Variants in ADAMTSL1 observed in about 807,000 individuals in gnomAD.
ADAMTSL1 encodes the protein ADAMTS-like protein 1.
In ADAMTSL1, 126 loss-of-function variants were observed where a neutral mutation model predicts 201.8. That is an observed-to-expected ratio of 0.62 (90% CI 0.54 to 0.72). The LOEUF (loss-of-function observed/expected upper bound fraction) is 0.72, where lower values mean the gene tolerates loss of function less well. Ranked by LOEUF, ADAMTSL1 falls within the 30% of genes least tolerant of loss-of-function variation. The pLI is 0.00. For synonymous variants in ADAMTSL1, 1,121 were observed against 903.4 expected (o/e 1.24, Z -4.32); for missense variants, 2,679 against 2,277.8 (o/e 1.18, Z -3.59).
chr9:17,938,698 C>T (rs991794432), intron 1 of ADAMTSL1, among the ~76,000 whole-genome samples: 3 of 152,132 alleles, frequency 2.0e-5, no homozygotes, highest in Admixed American at 6.6e-5. Context: ...TCATCTTCCT[C>T]CGACAAGATC....
intron 2 of ADAMTSL1, among the ~76,000 whole-genome samples, chr9:18,262,613 T>C (rs1179017844): frequency 6.6e-6 from 1 of 151,842 alleles, no homozygotes; most frequent in African/African-American, 2.4e-5. Context: ...CAGGGAAAAA[T>C]GGGATGGTTT....
At chr9:18,681,156 G>T (rs932721591) in intron 11 of ADAMTSL1, 1 of 152,666 alleles carries the variant, frequency 6.6e-6, no homozygotes, top group Non-Finnish European at 1.5e-5. Context: ...CTCCGCCTCA[G>T]AAATGACAAA....
intron 2 of ADAMTSL1, among the ~76,000 whole-genome samples, chr9:18,514,784 A>G (rs1228565083): frequency 6.6e-6 from 1 of 151,936 alleles, no homozygotes; most frequent in Non-Finnish European, 1.5e-5. Context: ...CCTTTTATTT[A>G]TTTTTCTTGT....
chr9:18,740,461 T>C (rs1564195402), intron 15 of ADAMTSL1, among the ~76,000 whole-genome samples: 1 of 146,274 alleles, frequency 6.8e-6, no homozygotes, highest in African/African-American at 2.5e-5. Flanking sequence ...TCCTTTCTTT[T>C]TTTTTTTTTC....
Position 18,887,867 on chromosome 9 carries a change from C to T in ADAMTSL1, c.4286C>T (p.Thr1429Ile). Reference sequence around the variant, plus strand: ...AAAGGTCACCCTGTCCCTAATATCACCTGGTTTCATGGTGGTCAGCCAATT... The same window carrying T: ...AAAGGTCACCCTGTCCCTAATATCATCTGGTTTCATGGTGGTCAGCCAATT... Reference protein sequence around the residue: ...PIKGHPVPNITWFHGGQPIVT... With the variant: ...PIKGHPVPNIIWFHGGQPIVT... The change falls in exon 24 of 29, where the codon ACC (threonine) becomes ATC (isoleucine). Residue 1429 changes from threonine to isoleucine, a missense_variant. Coordinates refer to ENST00000380548, the MANE Select transcript of ADAMTSL1 (RefSeq NM_001040272.6). The T allele has an allele frequency of 6.2e-7, 1 of 1,613,964 alleles. No homozygotes were observed. Among genetic ancestry groups the T allele is most frequent in the South Asian group, 1.1e-5 (1 of 91,056 alleles).
chr9:18,886,175 T>C (rs1312100000), intron 23 of ADAMTSL1, among the ~76,000 whole-genome samples: 1 of 91,990 alleles, frequency 1.1e-5, no homozygotes, highest in Non-Finnish European at 2.0e-5. Flanking sequence ...TGTATATATA[T>C]ATATATATAT....
intron 2 of ADAMTSL1, among the ~76,000 whole-genome samples, chr9:18,203,396 T>C (rs1829526987): frequency 6.6e-6 from 1 of 151,936 alleles, no homozygotes; most frequent in African/African-American, 2.4e-5. Flanking sequence ...ATTAAGTCCA[T>C]ATTAAATCTA....
intron 2 of ADAMTSL1, among the ~76,000 whole-genome samples, chr9:18,337,349 C>G (rs187744827): frequency 2.0e-5 from 3 of 152,068 alleles, no homozygotes; most frequent in African/African-American, 7.2e-5. Context: ...GGGACTTGGA[C>G]GGGCTTCCTT....
intron 1 of ADAMTSL1, among the ~76,000 whole-genome samples, chr9:18,064,300 A>G (rs1053647959): frequency 6.6e-6 from 1 of 152,102 alleles, no homozygotes; most frequent in Admixed American, 6.5e-5. Flanking sequence ...GCAAAATGTT[A>G]GTCTCCTCCA....
At chr9:18,332,204 A>G (rs1254691600) in intron 2 of ADAMTSL1, among the ~76,000 whole-genome samples, 1 of 152,160 alleles carries the variant, frequency 6.6e-6, no homozygotes, top group Non-Finnish European at 1.5e-5. Flanking sequence ...TCTTCATTGG[A>G]TCTTGTCCAG....
intron 1 of ADAMTSL1, among the ~76,000 whole-genome samples, chr9:17,960,577 A>G (rs953580467): frequency 8.5e-5 from 13 of 152,140 alleles, no homozygotes; most frequent in South Asian, 6.2e-4. Flanking sequence ...ATAAATACCA[A>G]TTGATCTCTT....
chr9:17,931,652 C>T (rs1588435639), intron 1 of ADAMTSL1, among the ~76,000 whole-genome samples: 1 of 152,116 alleles, frequency 6.6e-6, no homozygotes, highest in East Asian at 1.9e-4. Context: ...TCAGTGTTGT[C>T]CTGTTTTCTG....
intron 26 of ADAMTSL1, among the ~76,000 whole-genome samples, chr9:18,899,024 A>G (rs1170739438): frequency 6.6e-6 from 1 of 152,236 alleles, no homozygotes; most frequent in Non-Finnish European, 1.5e-5. Context: ...TTTGCAGATG[A>G]TATGACCCTT....
chr9:18,372,966 G>A (rs1837113141), intron 2 of ADAMTSL1, among the ~76,000 whole-genome samples: 1 of 152,144 alleles, frequency 6.6e-6, no homozygotes, highest in East Asian at 1.9e-4. Flanking sequence ...ATTCTGTCCT[G>A]GGCATATTAT....
rs1317340872 is a variant in ADAMTSL1 at position 18,909,464 on chromosome 9, A to G, written c.*916A>G. 1 of 152,274 alleles carries G rather than the reference A, an allele frequency of 6.6e-6. No homozygotes were observed. Among genetic ancestry groups the G allele is most frequent in the Non-Finnish European group, 1.5e-5 (1 of 68,092 alleles). 9.4% of individuals were successfully genotyped at this position (152,274 alleles called of 1,614,324 possible). On this transcript the variant is annotated 3_prime_UTR_variant, in exon 29 of 29. Coordinates refer to ENST00000380548, the MANE Select transcript of ADAMTSL1 (RefSeq NM_001040272.6). ...GTGGGTCTCGCCATGCAGTAAGGCC[A>G]CCCTGGCACCTCTTTATCTAAATCC...
At chr9:17,976,211 T>C (rs1281536740) in intron 1 of ADAMTSL1, among the ~76,000 whole-genome samples, 1 of 146,142 alleles carries the variant, frequency 6.8e-6, no homozygotes, top group Non-Finnish European at 1.5e-5. Context: ...TGGGGATCTT[T>C]TGTGATTTCA....
At chr9:18,681,756 GA>G in intron 11 of ADAMTSL1, 55 bp from the exon 12 acceptor site, 2 of 1,327,548 alleles carry the variant, frequency 1.5e-6, no homozygotes, top group East Asian at 3.0e-5. Context: ...GGGAAGTGAA[GA>G]AAAGTAAACA....
At chr9:18,697,908 T>C (rs1162670611) in intron 13 of ADAMTSL1, among the ~76,000 whole-genome samples, 2 of 152,038 alleles carry the variant, frequency 1.3e-5, no homozygotes, top group Non-Finnish European at 2.9e-5. Context: ...AAAGCAAAAA[T>C]GTCAAGAAGG....
chr9:18,019,130 G>A (rs1446676722), intron 1 of ADAMTSL1, among the ~76,000 whole-genome samples: 2 of 152,040 alleles, frequency 1.3e-5, no homozygotes, highest in Admixed American at 6.6e-5. Context: ...AGAAAGTTTA[G>A]CAACACTCTG....
Sources: allele counts gnomAD v4.1 joint callset (sites outside exome capture counted in the v4.1 genomes callset), GRCh38; gene constraint gnomAD v4.1.1; transcripts MANE v1.5; gene names NCBI Gene and HGNC (gene_info 2026-07-23, HGNC 2026-07-21).